Variants in TSTD2 observed in about 807,000 individuals in gnomAD.
TSTD2 encodes the protein thiosulfate sulfurtransferase/rhodanese-like domain-containing protein 2.
Under a neutral mutation model 47.9 loss-of-function variants are expected in TSTD2, and 37 were observed. The ratio of observed to expected loss-of-function variants is 0.77; its 90% CI spans 0.59 to 1.02. The LOEUF (loss-of-function observed/expected upper bound fraction) is 1.02, where lower values mean the gene tolerates loss of function less well. Among genes scored for constraint, TSTD2 ranks in the 50% least tolerant of loss-of-function variants. The pLI is 0.00. For missense variants in TSTD2, 586 were observed against 616.0 expected, an observed-to-expected ratio of 0.95 and a Z score of 0.52; for synonymous variants, 201 against 215.9, an observed-to-expected ratio of 0.93 and a Z score of 0.61.
chr9:97,621,669 G>A (rs1280319165), intron 3 of TSTD2, among the ~76,000 whole-genome samples: 1 of 152,164 alleles, frequency 6.6e-6, no homozygotes. Context: ...AGTGCCCCCA[G>A]GCTTGCTAGG....
In TSTD2 at chr9:97,602,404, T is replaced by C. The variant is rs766188047; in HGVS notation, c.*65A>G. Reference sequence around the variant, plus strand: ...CTCTGTTTCTGCAGTCTTGCCATGCTTTCTCTGTATAGTCACCCCAAACCT... The same window carrying C: ...CTCTGTTTCTGCAGTCTTGCCATGCCTTCTCTGTATAGTCACCCCAAACCT... On this transcript the variant is annotated 3_prime_UTR_variant, in exon 10 of 10. Coordinates refer to ENST00000341170, the MANE Select transcript of TSTD2 (RefSeq NM_139246.5). The C allele has an allele frequency of 6.7e-7, 1 of 1,489,916 alleles. No homozygotes were observed. Among genetic ancestry groups the C allele is most frequent in the Non-Finnish European group, 9.0e-7 (1 of 1,117,028 alleles). The allele number at this position is 1,489,916 out of a possible 1,614,324, so 92.3% of individuals were successfully genotyped here.
At chr9:97,606,105 C>G (rs1321476853) in intron 7 of TSTD2, 38 bp downstream of exon 7, 1 of 1,407,786 alleles carries the variant, frequency 7.1e-7, no homozygotes, top group South Asian at 1.2e-5. Context: ...ATGGGGAGAT[C>G]TACCAATTCA....
intron 6 of TSTD2, 86 bp downstream of exon 6, chr9:97,610,260 T>C (rs1460511580): frequency 8.3e-7 from 1 of 1,204,194 alleles, no homozygotes; most frequent in Non-Finnish European, 1.2e-6. Context: ...TCATGACTGC[T>C]GCTGATCACA....
chr9:97,610,470 A>C lies in TSTD2; in HGVS notation c.730-19T>G. On this transcript the variant is annotated intron_variant, in intron 5 of 9. Transcript: ENST00000341170. ...TGCTGGTCTAGCCAATGAGAAACAA[A>C]ACAGAATACAGTCTTGCTGTCCCAT... is the stretch of plus-strand genomic sequence containing the variant. 1 of 1,520,350 alleles carries C rather than the reference A, an allele frequency of 6.6e-7. No homozygotes were observed. Among genetic ancestry groups the C allele is most frequent in the Non-Finnish European group, 8.8e-7 (1 of 1,132,756 alleles). The allele number at this position is 1,520,350 out of a possible 1,614,324, so 94.2% of individuals were successfully genotyped here. A position where few individuals can be genotyped will look rare whatever the true frequency, so the allele number is the denominator to read the frequency against.
intron 3 of TSTD2, among the ~76,000 whole-genome samples, chr9:97,622,205 G>A (rs1482774981): frequency 6.6e-6 from 1 of 152,200 alleles, no homozygotes; most frequent in Non-Finnish European, 1.5e-5. Flanking sequence ...TAGGGACTTG[G>A]TGCCCTGCAT....
In TSTD2 at chr9:97,600,879, T is replaced by G; in HGVS notation, c.*1590A>C. 8.9e-7 allele frequency: 1 copy of G among 1,123,742 alleles called. No homozygotes were observed. Among genetic ancestry groups the G allele is most frequent in the Non-Finnish European group, 1.1e-6 (1 of 905,374 alleles). The allele number at this position is 1,123,742 out of a possible 1,614,324, so 69.6% of individuals were successfully genotyped here. A position where few individuals can be genotyped will look rare whatever the true frequency, so the allele number is the denominator to read the frequency against. On this transcript the variant is annotated 3_prime_UTR_variant, in exon 10 of 10. Transcript: ENST00000341170. ...GTTAAGCCACAATGCCCTTGTGCCT[T>G]TTAATATACCACAGTGCCAGTTAAA...
At chr9:97,608,399 G>T (rs531010631) in intron 6 of TSTD2, among the ~76,000 whole-genome samples, 3 of 152,260 alleles carry the variant, frequency 2.0e-5, no homozygotes, top group African/African-American at 7.2e-5. Context: ...ACTTTGTGAG[G>T]CTGAGGTGGG....
Position 97,600,759 on chromosome 9 carries a change from A to G in TSTD2, c.*1710T>C, listed in dbSNP as rs1230349087. 2.0e-6 allele frequency: 2 copies of G among 1,006,530 alleles called. No individual in the cohort carries two copies. Among genetic ancestry groups the G allele is most frequent in the African/African-American group, 3.5e-5 (2 of 57,550 alleles). 62.3% of individuals were successfully genotyped at this position (1,006,530 alleles called of 1,614,324 possible). ...TCAAGGAATTGGGAAATCCTGGCCA[A>G]ACCACCCCAAGATGATTACACTGAA... On this transcript the variant is annotated 3_prime_UTR_variant, in exon 10 of 10. Coordinates refer to ENST00000341170, the MANE Select transcript of TSTD2 (RefSeq NM_139246.5).
In TSTD2 at chr9:97,604,849, ACCT is replaced by A. The variant is rs769045346; in HGVS notation, c.1127_1129del (p.Glu376del). The A allele has an allele frequency of 1.4e-4, 232 of 1,613,952 alleles. 1 individual carries two copies. The African/African-American group carries it at 2.9e-3, about 20-fold the overall frequency. On this transcript the variant is annotated inframe_deletion, in exon 9 of 10. Coordinates refer to ENST00000341170, the MANE Select transcript of TSTD2 (RefSeq NM_139246.5). ...GTGGATGCCACCCTTGAGCTGGAAC[ACCT>A]CCTTGCACACTCCCTAGGTGTGGAA...
In TSTD2 at chr9:97,621,772, T is replaced by C. The variant is rs999345065; in HGVS notation, c.483-3895A>G. On this transcript the variant is annotated intron_variant, in intron 3 of 9. Coordinates refer to ENST00000341170, the MANE Select transcript of TSTD2 (RefSeq NM_139246.5). ...TAAGATGTTTATTAAAGACAATGCG[T>C]GCACAGTGGGACATGAAACCTCATC... is the stretch of plus-strand genomic sequence containing the variant. 2.6e-5 allele frequency among the ~76,000 whole-genome samples: 4 copies of C among 152,326 alleles called. No homozygotes were observed. In the East Asian group the frequency reaches 7.7e-4, roughly 29 times the overall value.
rs186332848 is a variant in TSTD2 at position 97,605,356 on chromosome 9, G to A, written c.1113+127C>T. 2.4e-4 allele frequency: 270 copies of A among 1,107,322 alleles called. 2 individuals carry two copies. The African/African-American group carries it at 3.9e-3, about 16-fold the overall frequency. 68.6% of individuals were successfully genotyped at this position (1,107,322 alleles called of 1,614,324 possible). ...GAACTCCATGCTGGAGCCATACGAG[G>A]GGTGAAGGCATGCTTTGGCTGCCTG... On this transcript the variant is annotated intron_variant, in intron 8 of 9. Transcript: ENST00000341170.
chr9:97,618,930 A>G (rs889195856), intron 3 of TSTD2, among the ~76,000 whole-genome samples: 7 of 152,316 alleles, frequency 4.6e-5, no homozygotes, highest in Admixed American at 3.3e-4. Context: ...GTAACATACA[A>G]TTCAACTGAT....
Position 97,602,448 on chromosome 9 carries a change from G to A in TSTD2, c.*21C>T, listed in dbSNP as rs1005216824. On this transcript the variant is annotated 3_prime_UTR_variant, in exon 10 of 10. Coordinates refer to ENST00000341170, the MANE Select transcript of TSTD2 (RefSeq NM_139246.5). ...CAAACCTACTTTTACCGAGGGCCTG[G>A]GAAAATGCCAAAGGTGCTGCTCACA... 6.4e-7 allele frequency: 1 copy of A among 1,566,278 alleles called. No homozygotes were observed. Among genetic ancestry groups the A allele is most frequent in the Non-Finnish European group, 8.7e-7 (1 of 1,153,158 alleles).
chr9:97,626,076 A>G, intron 2 of TSTD2, 79 bp from the exon 3 acceptor site: 1 of 1,377,228 alleles, frequency 7.3e-7, no homozygotes. Context: ...AAGATTCTTT[A>G]GATTATCTTT....
chr9:97,601,045 T>C lies in TSTD2; in HGVS notation c.*1424A>G, dbSNP rs1826246066. On this transcript the variant is annotated 3_prime_UTR_variant, in exon 10 of 10. Transcript: ENST00000341170. ...AAAGGTGAAGGCCTGCGCACTGAAC[T>C]GTAAGGCAGTGGGCAGTACAGGGTA... 1 of 1,303,604 alleles carries C rather than the reference T, an allele frequency of 7.7e-7. No homozygotes were observed. The highest frequency in any genetic ancestry group is 1.5e-5 in the African/African-American group (1 of 65,862). 80.8% of individuals were successfully genotyped at this position (1,303,604 alleles called of 1,614,324 possible).
At chr9:97,632,738 G>A (rs1181391567) in intron 1 of TSTD2, among the ~76,000 whole-genome samples, 1 of 152,146 alleles carries the variant, frequency 6.6e-6, no homozygotes, top group African/African-American at 2.4e-5. Flanking sequence ...CTGGATTTGT[G>A]TTGAAAGCAG....
At position 97,606,171 on chromosome 9, in the gene TSTD2, T is replaced by A. The variant is rs146724330; in HGVS notation, c.926A>T (p.Asp309Val). 4.4e-5 allele frequency: 71 copies of A among 1,610,630 alleles called. No individual in the cohort carries two copies. The highest frequency in any genetic ancestry group is 5.8e-5 in the Non-Finnish European group (68 of 1,178,972). Residue 309 changes from aspartate to valine, a missense_variant, in exon 7 of 10, where the codon GAT becomes GTT. Coordinates refer to ENST00000341170, the MANE Select transcript of TSTD2 (RefSeq NM_139246.5). Reference sequence around the variant, plus strand: ...TTTGCTTTCATAGAAGTTTCTGCAATCAAGAAGGATAGTATCACTTTGTTC... The same window carrying A: ...TTTGCTTTCATAGAAGTTTCTGCAAACAAGAAGGATAGTATCACTTTGTTC... ...NQEQSDTILL[D>V]CRNFYESKIG...
chr9:97,607,007 A>T (rs891916418), intron 6 of TSTD2, among the ~76,000 whole-genome samples: 1 of 152,180 alleles, frequency 6.6e-6, no homozygotes, highest in South Asian at 2.1e-4. Context: ...TCTAAAAAAA[A>T]TTTAAAAAAT....
chr9:97,620,546 C>A (rs1357338380), intron 3 of TSTD2, among the ~76,000 whole-genome samples: 2 of 152,104 alleles, frequency 1.3e-5, no homozygotes, highest in Non-Finnish European at 2.9e-5. Context: ...GAGAAGACGA[C>A]AAGAAGATGT....
Sources: gnomAD v4.1 joint callset for allele counts (sites outside exome capture counted in the v4.1 genomes callset) on GRCh38, gnomAD v4.1.1 for gene constraint, MANE v1.5 for transcripts, NCBI Gene and HGNC (gene_info 2026-07-23, HGNC 2026-07-21) for gene names.